The following MDGA2 variants were observed in gnomAD, a reference collection of about 807,000 sequenced individuals.
MDGA2 encodes the protein MAM domain containing glycosylphosphatidylinositol anchor 2.
In MDGA2, 40 loss-of-function variants were observed where a neutral mutation model predicts 117.8. The observed-to-expected ratio is 0.34, with a 90% CI of 0.26 to 0.44. The LOEUF (loss-of-function observed/expected upper bound fraction) is 0.44. MDGA2 is among the 20% of genes least tolerant of loss of function. The pLI is 1.00. For missense variants in MDGA2, 1,123 were observed against 1,250.6 expected (o/e 0.90, Z 1.54); for synonymous variants, 452 against 439.0 (o/e 1.03, Z -0.37).
intron 15 of MDGA2, among the ~76,000 whole-genome samples, chr14:46,850,508 T>G (rs781351697): frequency 4.0e-5 from 6 of 151,848 alleles, no homozygotes; most frequent in African/African-American, 9.7e-5. Context: ...TGCAAAACCC[T>G]AAGACTGCAG....
At chr14:47,483,661 G>T (rs1485778050) in intron 1 of MDGA2, among the ~76,000 whole-genome samples, 1 of 152,138 alleles carries the variant, frequency 6.6e-6, no homozygotes, top group Non-Finnish European at 1.5e-5. Context: ...CATCACAGAA[G>T]TCAAAATAAC....
intron 1 of MDGA2, among the ~76,000 whole-genome samples, chr14:47,354,458 C>G (rs961159057): frequency 6.6e-6 from 1 of 152,148 alleles, no homozygotes; most frequent in Admixed American, 6.5e-5. Context: ...ATTCTCACCA[C>G]CAAACATGCT....
At chr14:47,131,549 G>A (rs1882204003) in intron 5 of MDGA2, among the ~76,000 whole-genome samples, 165 bp downstream of exon 5, 1 of 151,902 alleles carries the variant, frequency 6.6e-6, no homozygotes, top group Non-Finnish European at 1.5e-5. Context: ...ACATTTTACT[G>A]TGTCCATGTA....
intron 10 of MDGA2, among the ~76,000 whole-genome samples, chr14:46,907,537 C>T (rs927429620): frequency 2.0e-5 from 3 of 152,136 alleles, no homozygotes; most frequent in African/African-American, 4.8e-5. Flanking sequence ...ACAGTGCCTA[C>T]AGAAATAGAT....
intron 8 of MDGA2, among the ~76,000 whole-genome samples, chr14:46,984,495 T>C (rs1392653502): frequency 6.6e-6 from 1 of 152,040 alleles, no homozygotes; most frequent in Non-Finnish European, 1.5e-5. Flanking sequence ...GCTCACACCA[T>C]CTCTAACTAG....
intron 1 of MDGA2, among the ~76,000 whole-genome samples, chr14:47,329,857 T>C (rs543259084): frequency 6.6e-6 from 1 of 152,072 alleles, no homozygotes; most frequent in South Asian, 2.1e-4. Flanking sequence ...TTAAGTGATT[T>C]ACCCAAAAGC....
intron 10 of MDGA2, among the ~76,000 whole-genome samples, chr14:46,893,085 A>T (rs1882942354): frequency 6.6e-6 from 1 of 152,002 alleles, no homozygotes; most frequent in Non-Finnish European, 1.5e-5. Context: ...AACAGCCAAG[A>T]TATGGAAACA....
chr14:46,986,501 T>A (rs1886863615), intron 8 of MDGA2, among the ~76,000 whole-genome samples: 1 of 113,944 alleles, frequency 8.8e-6, no homozygotes, highest in African/African-American at 3.5e-5. Context: ...CCCAATCATA[T>A]TCCCCCAAAA....
Position 47,188,264 on chromosome 14 carries a change from T to C in MDGA2, c.595+29757A>G, listed in dbSNP as rs199907965. The stretch of plus-strand genomic sequence containing the variant: ...AACAAACAGAATACAGCAGAAGTGA[T>C]AGAATTTCACCTCAAAACGTATGTT... On this transcript the variant is annotated intron_variant, in intron 3 of 16. Transcript: ENST00000399232. Among the ~76,000 whole-genome samples, 10 of 152,314 alleles carry C rather than the reference T, an allele frequency of 6.6e-5. No homozygotes were observed. The East Asian group carries it at 1.9e-3, about 29-fold the overall frequency.
chr14:47,120,663 C>T (rs1881603198), intron 5 of MDGA2, among the ~76,000 whole-genome samples: 1 of 152,034 alleles, frequency 6.6e-6, no homozygotes. Flanking sequence ...GAAATAATTG[C>T]CACAACTGCA....
chr14:47,659,718 T>C lies in MDGA2; in HGVS notation c.280+14799A>G, dbSNP rs929947080. On this transcript the variant is annotated intron_variant, in intron 1 of 16. Coordinates refer to ENST00000399232, the MANE Select transcript of MDGA2 (RefSeq NM_001113498.3). The stretch of plus-strand genomic sequence containing the variant: ...TCTAATATATCACAAAATGCAAAAA[T>C]TGGAAGCAGAGAAAGACTTTAAAAA... 5.9e-5 allele frequency among the ~76,000 whole-genome samples: 9 copies of C among 152,176 alleles called. No individual in the cohort carries two copies. The Middle Eastern group carries it at 0.014, about 230-fold the overall frequency.
chr14:47,078,381 C>T (rs532092397), intron 6 of MDGA2, among the ~76,000 whole-genome samples: 4 of 152,064 alleles, frequency 2.6e-5, no homozygotes, highest in African/African-American at 2.4e-5. Flanking sequence ...CAAGTAACTC[C>T]GAAAGACAGT....
intron 1 of MDGA2, among the ~76,000 whole-genome samples, chr14:47,591,583 A>G (rs1896439509): frequency 6.6e-6 from 1 of 152,186 alleles, no homozygotes; most frequent in Admixed American, 6.6e-5. Context: ...CAGCACATCA[A>G]AAAGCTTCTA....
chr14:47,024,937 C>T (rs1888419402), intron 8 of MDGA2, among the ~76,000 whole-genome samples: 1 of 152,010 alleles, frequency 6.6e-6, no homozygotes, highest in Admixed American at 6.6e-5. Context: ...TTTCATGGAA[C>T]AGCATGAAAT....
chr14:47,546,758 A>G (rs1381307249), intron 1 of MDGA2, among the ~76,000 whole-genome samples: 2 of 152,254 alleles, frequency 1.3e-5, no homozygotes, highest in African/African-American at 2.4e-5. Flanking sequence ...TGGGATTTCA[A>G]ATTAATTTAA....
chr14:46,993,441 CT>C (rs763046593), intron 8 of MDGA2, among the ~76,000 whole-genome samples: 3 of 147,086 alleles, frequency 2.0e-5, no homozygotes, highest in African/African-American at 7.4e-5. Context: ...AAAATTATCA[CT>C]TTTTTTCTAT....
chr14:47,196,805 C>T (rs771746162), intron 3 of MDGA2, among the ~76,000 whole-genome samples: 1 of 152,116 alleles, frequency 6.6e-6, no homozygotes, highest in African/African-American at 2.4e-5. Context: ...CCTTTCAATG[C>T]ACACCCTCTT....
intron 1 of MDGA2, among the ~76,000 whole-genome samples, chr14:47,338,902 T>C (rs1890538301): frequency 6.6e-6 from 1 of 152,152 alleles, no homozygotes; most frequent in Non-Finnish European, 1.5e-5. Context: ...GTTGTTCATA[T>C]GATGTACAGT....
At chr14:47,279,313 T>G (rs1298685957) in intron 2 of MDGA2, among the ~76,000 whole-genome samples, 1 of 152,186 alleles carries the variant, frequency 6.6e-6, no homozygotes, top group African/African-American at 2.4e-5. Flanking sequence ...ATCAGGCTTA[T>G]TAATAAGTGT....
Sources: gnomAD v4.1 joint callset for allele counts (sites outside exome capture counted in the v4.1 genomes callset) on GRCh38, gnomAD v4.1.1 for gene constraint, MANE v1.5 for transcripts, NCBI Gene and HGNC (gene_info 2026-07-23, HGNC 2026-07-21) for gene names.